SH3RF1: variants seen among roughly 807,000 people sequenced by gnomAD.
The protein encoded by SH3RF1 is SH3 domain containing ring finger 1.
A neutral mutation model predicts 74.0 loss-of-function variants in SH3RF1; 32 were observed. That is an observed-to-expected ratio of 0.43 (90% CI 0.33 to 0.58). SH3RF1 has a LOEUF of 0.58. Ranked by LOEUF, SH3RF1 falls within the 20% of genes least tolerant of loss-of-function variation. SH3RF1 has a pLI of 0.05. For synonymous variants in SH3RF1, 396 were observed against 439.6 expected (o/e 0.90, Z 1.24); for missense variants, 954 against 1,130.9 (o/e 0.84, Z 2.24).
rs142942030 is a variant in SH3RF1, at chr4:169,210,805, T to C, written c.394-54126A>G. On this transcript the variant is annotated intron_variant, in intron 2 of 11. Transcript: ENST00000284637. ...GCTATAATGAAGACAGTTGTTTCTG[T>C]ACCTCAGTTCCATTTTCTGTACATC... is the stretch of plus-strand genomic sequence containing the variant. 6.0e-3 allele frequency among the ~76,000 whole-genome samples: 909 copies of C among 152,332 alleles called. 6 individuals are homozygous for C. The highest frequency in any genetic ancestry group is 0.021 in the African/African-American group (856 of 41,580).
At chr4:169,267,468 T>C (rs905925897) in intron 2 of SH3RF1, among the ~76,000 whole-genome samples, 2 of 152,094 alleles carry the variant, frequency 1.3e-5, no homozygotes, top group Non-Finnish European at 2.9e-5. Context: ...CTCCATAAAA[T>C]AAAGGAAATC....
At chr4:169,234,993 T>A (rs1730804520) in intron 2 of SH3RF1, among the ~76,000 whole-genome samples, 1 of 152,200 alleles carries the variant, frequency 6.6e-6, no homozygotes, top group African/African-American at 2.4e-5. Flanking sequence ...ATCACTCTCA[T>A]ACCCCCATTG....
Position 169,132,822 on chromosome 4 carries a change from G to A in SH3RF1, c.1069-2666C>T, listed in dbSNP as rs374298503. 6.6e-5 allele frequency among the ~76,000 whole-genome samples: 10 copies of A among 152,170 alleles called. No individual in the cohort carries two copies. The East Asian group carries it at 1.2e-3, about 18-fold the overall frequency. On this transcript the variant is annotated intron_variant, in intron 5 of 11. Transcript: ENST00000284637. ...CCAAAAAATATCCTAAGTGTGGTCA[G>A]AGGAGGAGACAAAACATCTTGGCTG...
chr4:169,268,190 G>T (rs1731384749), intron 2 of SH3RF1, among the ~76,000 whole-genome samples: 1 of 152,098 alleles, frequency 6.6e-6, no homozygotes, highest in African/African-American at 2.4e-5. Flanking sequence ...TCATTTCGAT[G>T]GAAATACTTC....
At chr4:169,255,939 T>C (rs981291560) in intron 2 of SH3RF1, among the ~76,000 whole-genome samples, 9 of 151,836 alleles carry the variant, frequency 5.9e-5, no homozygotes, top group African/African-American at 2.2e-4. Flanking sequence ...AGCTAATTTT[T>C]TTGTTTTTGG....
intron 2 of SH3RF1, among the ~76,000 whole-genome samples, chr4:169,231,264 C>T (rs971561708): frequency 6.6e-6 from 1 of 152,102 alleles, no homozygotes; most frequent in Non-Finnish European, 1.5e-5. Context: ...AAATTTGTTA[C>T]TCATAAATAA....
intron 2 of SH3RF1, among the ~76,000 whole-genome samples, chr4:169,264,318 T>C (rs1257737867): frequency 6.6e-6 from 1 of 152,172 alleles, no homozygotes; most frequent in East Asian, 1.9e-4. Flanking sequence ...CCTCTTCTTA[T>C]AAGAACACTG....
At chr4:169,179,856 T>C (rs919090492) in intron 2 of SH3RF1, among the ~76,000 whole-genome samples, 1 of 152,228 alleles carries the variant, frequency 6.6e-6, no homozygotes, top group African/African-American at 2.4e-5. Context: ...CAGAATTATG[T>C]ATTTTTTTTC....
chr4:169,138,878 CA>C (rs1733738801), intron 4 of SH3RF1, among the ~76,000 whole-genome samples: 1 of 152,118 alleles, frequency 6.6e-6, no homozygotes, highest in Non-Finnish European at 1.5e-5. Flanking sequence ...CTCAACAGAA[CA>C]ATACTGGGTG....
chr4:169,235,502 T>G (rs1405560183), intron 2 of SH3RF1, among the ~76,000 whole-genome samples: 1 of 152,188 alleles, frequency 6.6e-6, no homozygotes, highest in East Asian at 1.9e-4. Context: ...ACAGAACGGT[T>G]AAGTAACTTG....
chr4:169,119,678 A>G (rs1247053994), intron 8 of SH3RF1, among the ~76,000 whole-genome samples: 1 of 152,230 alleles, frequency 6.6e-6, no homozygotes, highest in Non-Finnish European at 1.5e-5. Flanking sequence ...AAGTCAAATT[A>G]AAGTTAACAT....
chr4:169,252,260 C>T (rs1579163964), intron 2 of SH3RF1, among the ~76,000 whole-genome samples: 1 of 152,282 alleles, frequency 6.6e-6, no homozygotes, highest in South Asian at 2.1e-4. Flanking sequence ...CATGGCTAAC[C>T]CAGATGCAAC....
intron 2 of SH3RF1, among the ~76,000 whole-genome samples, chr4:169,223,272 A>G (rs1040030843): frequency 2.6e-5 from 4 of 152,240 alleles, no homozygotes; most frequent in African/African-American, 4.8e-5. Flanking sequence ...AGATAGAAAT[A>G]TAAGCCACCA....
chr4:169,112,637 T>C (rs1733260765), intron 10 of SH3RF1, among the ~76,000 whole-genome samples: 1 of 152,138 alleles, frequency 6.6e-6, no homozygotes, highest in Non-Finnish European at 1.5e-5. Flanking sequence ...GGGAGCAGCC[T>C]AATGGCTCAA....
At chr4:169,133,680 G>T (rs1325970467) in intron 5 of SH3RF1, among the ~76,000 whole-genome samples, 1 of 152,054 alleles carries the variant, frequency 6.6e-6, no homozygotes, top group African/African-American at 2.4e-5. Context: ...GGGAGGCTGA[G>T]GCAGGAGAAT....
At chr4:169,150,629 C>T (rs1356200810) in intron 4 of SH3RF1, among the ~76,000 whole-genome samples, 1 of 152,126 alleles carries the variant, frequency 6.6e-6, no homozygotes, top group African/African-American at 2.4e-5. Flanking sequence ...CTACGCTACC[C>T]CCAGGGGGGT....
At chr4:169,097,635 C>A (rs1429917474) in intron 11 of SH3RF1, among the ~76,000 whole-genome samples, 1 of 152,134 alleles carries the variant, frequency 6.6e-6, no homozygotes, top group African/African-American at 2.4e-5. Flanking sequence ...TTGCATTACT[C>A]CTCTTCTCAA....
chr4:169,099,843 TG>T (rs199598827), intron 11 of SH3RF1, among the ~76,000 whole-genome samples: 1 of 152,172 alleles, frequency 6.6e-6, no homozygotes, highest in African/African-American at 2.4e-5. Flanking sequence ...TATAAACCTC[TG>T]GGGGGGCGGG....
rs1456670909 is a variant in SH3RF1 at position 169,130,062 on chromosome 4, T to C, written c.1163A>G (p.Tyr388Cys). Reference protein sequence around the residue: ...PSFTFPSDVPYQAALGTLNPP... With the variant: ...PSFTFPSDVPCQAALGTLNPP... ...TATACTCACTCCAAGGGCAGCTTGG[T>C]AGGGAACATCTGATGGGAAAGTAAA... is the stretch of plus-strand genomic sequence containing the variant. Residue 388 changes from tyrosine (Y) to cysteine (C), a missense_variant, in exon 6 of 12, where the codon TAC (tyrosine) becomes TGC (cysteine). Tyr to Cys is a radical substitution (Grantham distance 194, BLOSUM62 -2). This residue lies in a region of SH3RF1 where 854 missense variants were observed against 962.5 expected (regional missense o/e 0.89). Transcript: ENST00000284637. 1.2e-6 allele frequency: 2 copies of C among 1,613,418 alleles called. No individual in the cohort carries two copies. Among genetic ancestry groups the C allele is most frequent in the Admixed American group, 3.3e-5 (2 of 59,910 alleles).
Sources: gnomAD v4.1 joint callset for allele counts (sites outside exome capture counted in the v4.1 genomes callset) on GRCh38, gnomAD v4.1.1 for gene constraint, gnomAD v4.1.1 regional missense constraint, MANE v1.5 for transcripts, NCBI Gene and HGNC (gene_info 2026-07-23, HGNC 2026-07-21) for gene names.